LYVE1: variants seen among roughly 807,000 people sequenced by gnomAD.
LYVE1 encodes lymphatic vessel endothelial hyaluronic acid receptor 1.
LYVE1 carries 29 observed loss-of-function variants against 31.5 expected under a neutral mutation model. The ratio of observed to expected loss-of-function variants is 0.92; its 90% CI spans 0.69 to 1.26. The LOEUF is 1.26. LYVE1 is among the 50% of genes most tolerant of loss of function. The pLI is 0.00. For missense variants in LYVE1, 376 were observed against 380.2 expected (o/e 0.99, Z 0.09); for synonymous variants, 134 against 139.4 (o/e 0.96, Z 0.27).
chr11:10,565,880 G>A (rs1220193616), intron 1 of LYVE1, among the ~76,000 whole-genome samples: 2 of 151,164 alleles, frequency 1.3e-5, no homozygotes, highest in Non-Finnish European at 2.9e-5. Context: ...GCGTGATCTC[G>A]GCTCACTGTA....
chr11:10,563,244 C>T (rs952356937), intron 3 of LYVE1, among the ~76,000 whole-genome samples: 3 of 151,946 alleles, frequency 2.0e-5, no homozygotes, highest in African/African-American at 7.3e-5. Flanking sequence ...CCACTGTGCC[C>T]GGCCTGAACT....
intron 3 of LYVE1, among the ~76,000 whole-genome samples, chr11:10,561,135 T>G (rs148590754): frequency 6.6e-6 from 1 of 152,374 alleles, no homozygotes; most frequent in Non-Finnish European, 1.5e-5. Context: ...TTCACCTTTA[T>G]GACTCTTTGC....
chr11:10,564,535 G>A (rs1353778399), intron 1 of LYVE1, among the ~76,000 whole-genome samples, 161 bp from the exon 2 acceptor site: 1 of 152,202 alleles, frequency 6.6e-6, no homozygotes, highest in Admixed American at 6.5e-5. Context: ...TTTTCCACAA[G>A]GACCATCTGC....
chr11:10,564,150 C>G (rs777686123), intron 2 of LYVE1, 53 bp downstream of exon 2: 1 of 1,614,020 alleles, frequency 6.2e-7, no homozygotes, highest in South Asian at 1.1e-5. Context: ...TGAACAAGAA[C>G]ACAGAGCTAA....
intron 1 of LYVE1, among the ~76,000 whole-genome samples, chr11:10,565,842 C>T (rs1379124726): frequency 6.6e-6 from 1 of 151,558 alleles, no homozygotes; most frequent in Non-Finnish European, 1.5e-5. Flanking sequence ...CGGAGTTTCA[C>T]TCTTGTTGCC....
At chr11:10,567,491 T>C (rs762836961) in intron 1 of LYVE1, among the ~76,000 whole-genome samples, 3 of 152,202 alleles carry the variant, frequency 2.0e-5, no homozygotes, top group Non-Finnish European at 4.4e-5. Flanking sequence ...ACTAATCATA[T>C]AACTCTGACC....
At chr11:10,563,899 C>CT (rs1163716399) in intron 3 of LYVE1, 41 bp downstream of exon 3, 1 of 1,613,088 alleles carries the variant, frequency 6.2e-7, no homozygotes, top group Admixed American at 1.7e-5. Context: ...GTGAGAGATA[C>CT]CCAGAGAATG....
chr11:10,559,911 C>G lies in LYVE1; in HGVS notation c.704-17G>C, dbSNP rs776357513. 6.3e-7 allele frequency: 1 copy of G among 1,586,344 alleles called. No individual in the cohort carries two copies. ...TGGGGACACCTGCAAGGAACAGAGA[C>G]AAGGCCTGTTGGTCCTTCACTTAAA... On this transcript the variant is annotated splice_polypyrimidine_tract_variant and intron_variant, in intron 4 of 5. Coordinates refer to ENST00000256178, the MANE Select transcript of LYVE1 (RefSeq NM_006691.4).
intron 2 of LYVE1, 29 bp downstream of exon 2, chr11:10,564,174 C>A (rs1850488504): frequency 6.2e-7 from 1 of 1,613,804 alleles, no homozygotes; most frequent in Non-Finnish European, 8.5e-7. Context: ...AGAACTCCAG[C>A]AGTGACAGTG....
chr11:10,559,135 C>A lies in LYVE1; in HGVS notation c.945G>T (p.Val315=), dbSNP rs760759257. 1.9e-6 allele frequency: 3 copies of A among 1,613,982 alleles called. No homozygotes were observed. The highest frequency in any genetic ancestry group is 1.7e-6 in the Non-Finnish European group (2 of 1,179,976). ...EESKSPSKTT[V]RCLEAEV ...TCTAAACTTCAGCTTCCAGGCATCG[C>A]ACGGTAGTTTTGCTTGGACTCTTGG... Residue 315 remains valine (V), a synonymous_variant, in exon 6 of 6, where the codon GTG becomes GTT. Transcript: ENST00000256178.
At chr11:10,566,253 A>ACG (rs1214549721) in intron 1 of LYVE1, among the ~76,000 whole-genome samples, 1 of 151,708 alleles carries the variant, frequency 6.6e-6, no homozygotes, top group Admixed American at 6.6e-5. Flanking sequence ...GGGACTACAG[A>ACG]CGCGAGACAC....
chr11:10,566,002 G>T (rs1488353357), intron 1 of LYVE1, among the ~76,000 whole-genome samples: 1 of 152,122 alleles, frequency 6.6e-6, no homozygotes, highest in Non-Finnish European at 1.5e-5. Context: ...TAGAGACAGG[G>T]TTTCTCCATG....
intron 5 of LYVE1, 66 bp downstream of exon 5, chr11:10,559,750 C>A (rs183625653): frequency 4.8e-6 from 7 of 1,447,438 alleles, no homozygotes; most frequent in Non-Finnish European, 5.8e-6. Context: ...CAACAGTGAC[C>A]CTGAAAAAGC....
rs746100946 is a variant in LYVE1 at position 10,564,278 on chromosome 11, C to T, written c.182G>A (p.Cys61Tyr). ...QLNFTEAKEA[C>Y]RLLGLSLAGK... The stretch of plus-strand genomic sequence containing the variant: ...GGCCAAACTTAGTCCCAGCAGCCTA[C>T]AGGCCTCCTTAGCTTCTGTGAAATT... The change falls in exon 2 of 6, where the codon TGT becomes TAT. Residue 61 changes from cysteine to tyrosine, a missense_variant. Cys to Tyr is a radical substitution (Grantham distance 194). Coordinates refer to ENST00000256178, the MANE Select transcript of LYVE1 (RefSeq NM_006691.4). 6.2e-7 allele frequency: 1 copy of T among 1,614,236 alleles called. No individual in the cohort carries two copies. The highest frequency in any genetic ancestry group is 1.7e-5 in the Admixed American group (1 of 60,032).
At chr11:10,559,407 G>C in intron 5 of LYVE1, 110 bp from the exon 6 acceptor site, 1 of 740,650 alleles carries the variant, frequency 1.4e-6, no homozygotes, top group South Asian at 1.9e-5. Context: ...CTTTATTTCA[G>C]AGTGATGCCA....
chr11:10,568,658 C>T lies in LYVE1; in HGVS notation c.-126G>A. 3 of 1,291,176 alleles carry T rather than the reference C, an allele frequency of 2.3e-6. No homozygotes were observed. Among genetic ancestry groups the T allele is most frequent in the Non-Finnish European group, 3.0e-6 (3 of 1,005,196 alleles). The allele number at this position is 1,291,176 out of a possible 1,614,324, so 80.0% of individuals were successfully genotyped here. A position where few individuals can be genotyped will look rare whatever the true frequency, so the allele number is the denominator to read the frequency against. On this transcript the variant is annotated 5_prime_UTR_variant, in exon 1 of 6. The change creates a premature stop within an existing upstream ORF in the 5' untranslated region. Coordinates refer to ENST00000256178, the MANE Select transcript of LYVE1 (RefSeq NM_006691.4). The stretch of plus-strand genomic sequence containing the variant: ...ATGTTGAGGCTCACACTCACTGCTC[C>T]ACTTCATAACCGAGACATCCGGATT...
chr11:10,562,275 C>T (rs1850442606), intron 3 of LYVE1, among the ~76,000 whole-genome samples: 1 of 152,196 alleles, frequency 6.6e-6, no homozygotes, highest in Admixed American at 6.5e-5. Context: ...ATGGGAAATA[C>T]ACTGTTAGGA....
At chr11:10,566,007 T>C (rs1850529766) in intron 1 of LYVE1, among the ~76,000 whole-genome samples, 1 of 152,138 alleles carries the variant, frequency 6.6e-6, no homozygotes, top group Non-Finnish European at 1.5e-5. Flanking sequence ...ACAGGGTTTC[T>C]CCATGTTGGT....
rs1293101263 is a variant in LYVE1, at chr11:10,560,776, G to A, written c.422C>T (p.Pro141Leu). Residue 141 changes from proline (P) to leucine (L), a missense_variant, in exon 4 of 6, where the codon CCA (proline) becomes CTA (leucine). By Grantham distance (98) the Pro-to-Leu change is moderately conservative. Coordinates refer to ENST00000256178, the MANE Select transcript of LYVE1 (RefSeq NM_006691.4). ...GGGATCTTTGGTGGTGATAATTTCT[G>A]GAATGCACGAGTTAGTCCAAGTATC... ...SSDTWTNSCIPEIITTKDPIF... is the reference protein window; with the variant it reads ...SSDTWTNSCILEIITTKDPIF... The A allele has an allele frequency of 6.2e-7, 1 of 1,611,992 alleles. No individual in the cohort carries two copies. Among genetic ancestry groups the A allele is most frequent in the East Asian group, 2.2e-5 (1 of 44,862 alleles).
Sources: allele counts gnomAD v4.1 joint callset (sites outside exome capture counted in the v4.1 genomes callset), GRCh38; gene constraint gnomAD v4.1.1; transcripts MANE v1.5; gene names NCBI Gene and HGNC (gene_info 2026-07-23, HGNC 2026-07-21).